The following PLEKHA7 variants were observed in gnomAD, a reference collection of about 807,000 sequenced individuals.
PLEKHA7 encodes the protein pleckstrin homology domain-containing family A member 7.
PLEKHA7 carries 104 observed loss-of-function variants against 170.0 expected under a neutral mutation model. The ratio of observed to expected loss-of-function variants is 0.61; its 90% CI spans 0.52 to 0.72. The LOEUF (loss-of-function observed/expected upper bound fraction) is 0.72, where lower values mean the gene tolerates loss of function less well. PLEKHA7 is among the 30% of genes least tolerant of loss of function. The pLI is 0.00. For missense variants in PLEKHA7, 1,615 were observed against 1,671.7 expected, an observed-to-expected ratio of 0.97 and a Z score of 0.59; for synonymous variants, 648 against 660.8, an observed-to-expected ratio of 0.98 and a Z score of 0.30.
At chr11:16,923,054 C>T (rs1859214397) in intron 3 of PLEKHA7, among the ~76,000 whole-genome samples, 1 of 152,204 alleles carries the variant, frequency 6.6e-6, no homozygotes, top group South Asian at 2.1e-4. Flanking sequence ...CTGATACCTG[C>T]CTCACTTTCC....
At chr11:16,790,976 C>T (rs1847805196) in intron 20 of PLEKHA7, 35 bp downstream of exon 20, 1 of 1,613,990 alleles carries the variant, frequency 6.2e-7, no homozygotes, top group Non-Finnish European at 8.5e-7. Flanking sequence ...CCTCTCCCCA[C>T]ATGTAGAGTG....
At chr11:17,002,894 A>G (rs1864754351) in intron 3 of PLEKHA7, among the ~76,000 whole-genome samples, 1 of 146,290 alleles carries the variant, frequency 6.8e-6, no homozygotes, top group Non-Finnish European at 1.5e-5. Flanking sequence ...CCCCAACACA[A>G]TTTTCCCCCA....
intron 3 of PLEKHA7, among the ~76,000 whole-genome samples, chr11:16,967,680 C>T (rs1327226685): frequency 2.0e-5 from 3 of 152,190 alleles, no homozygotes; most frequent in Non-Finnish European, 2.9e-5. Flanking sequence ...CCAATCAGCT[C>T]CCCTTCTGCA....
At position 16,919,599 on chromosome 11, in the gene PLEKHA7, T is replaced by A. The variant is rs555840219; in HGVS notation, c.222-48417A>T. Reference sequence around the variant, plus strand: ...CTGAGTCAGGAGCCCAGGAGTTGGATGCTGCAGTGAGCTATGATCACACCA... The same window carrying A: ...CTGAGTCAGGAGCCCAGGAGTTGGAAGCTGCAGTGAGCTATGATCACACCA... On this transcript the variant is annotated intron_variant, in intron 3 of 26. Coordinates refer to ENST00000531066, the MANE Select transcript of PLEKHA7 (RefSeq NM_001329630.2). Among the ~76,000 whole-genome samples, 5 of 151,690 alleles carry A rather than the reference T, an allele frequency of 3.3e-5. 1 individual carries two copies. The South Asian group carries it at 1.0e-3, about 32-fold the overall frequency.
intron 3 of PLEKHA7, among the ~76,000 whole-genome samples, chr11:16,935,717 T>C (rs986626625): frequency 2.0e-5 from 3 of 152,204 alleles, no homozygotes; most frequent in African/African-American, 7.2e-5. Flanking sequence ...CTCTACATAA[T>C]CCTGAATGTT....
At chr11:16,960,742 C>A (rs1355727511) in intron 3 of PLEKHA7, among the ~76,000 whole-genome samples, 1 of 152,142 alleles carries the variant, frequency 6.6e-6, no homozygotes, top group African/African-American at 2.4e-5. Flanking sequence ...TAACAAACAA[C>A]AACGACTGTG....
At chr11:16,912,342 C>T (rs1858309878) in intron 3 of PLEKHA7, among the ~76,000 whole-genome samples, 1 of 152,228 alleles carries the variant, frequency 6.6e-6, no homozygotes. Context: ...TGGCCTCCAA[C>T]TTCAACCCAC....
At chr11:16,890,352 G>A (rs973636353) in intron 3 of PLEKHA7, among the ~76,000 whole-genome samples, 2 of 152,088 alleles carry the variant, frequency 1.3e-5, no homozygotes, top group Non-Finnish European at 2.9e-5. Context: ...ATACAGGCTG[G>A]TGGAATGGAT....
At chr11:16,952,008 T>C (rs1861433947) in intron 3 of PLEKHA7, among the ~76,000 whole-genome samples, 1 of 152,236 alleles carries the variant, frequency 6.6e-6, no homozygotes, top group Non-Finnish European at 1.5e-5. Context: ...TGATCTGAAA[T>C]AGCCTTCCAC....
At chr11:16,948,212 T>C (rs1250501419) in intron 3 of PLEKHA7, among the ~76,000 whole-genome samples, 1 of 152,154 alleles carries the variant, frequency 6.6e-6, no homozygotes, top group Admixed American at 6.5e-5. Context: ...GAAGGTTACA[T>C]AATTTTAGTT....
At chr11:16,788,813 C>T in intron 23 of PLEKHA7, 1 of 524,972 alleles carries the variant, frequency 1.9e-6, no homozygotes, top group Non-Finnish European at 3.4e-6. Context: ...ATTCCGAACG[C>T]CTGCAAAGGC....
chr11:16,853,940 T>G (rs1853204899), intron 6 of PLEKHA7, among the ~76,000 whole-genome samples: 1 of 152,156 alleles, frequency 6.6e-6, no homozygotes, highest in African/African-American at 2.4e-5. Flanking sequence ...TCACCAAAAC[T>G]TACATTGCTG....
At chr11:16,814,698 C>A (rs1849618612) in intron 12 of PLEKHA7, among the ~76,000 whole-genome samples, 3 of 152,220 alleles carry the variant, frequency 2.0e-5, no homozygotes, top group Non-Finnish European at 4.4e-5. Context: ...GTGATCCTTA[C>A]TCCTCTCCTA....
At chr11:16,987,010 G>T (rs997299502) in intron 3 of PLEKHA7, among the ~76,000 whole-genome samples, 3 of 152,148 alleles carry the variant, frequency 2.0e-5, no homozygotes, top group Non-Finnish European at 4.4e-5. Flanking sequence ...CCCAGCCCAG[G>T]GAAGGCGGAG....
At chr11:16,862,466 T>C (rs1031609759) in intron 4 of PLEKHA7, among the ~76,000 whole-genome samples, 1 of 152,202 alleles carries the variant, frequency 6.6e-6, no homozygotes, top group Non-Finnish European at 1.5e-5. Flanking sequence ...AATGATATTT[T>C]TTACTGGAGA....
chr11:16,815,745 G>A (rs1386354224), intron 12 of PLEKHA7, among the ~76,000 whole-genome samples: 1 of 152,136 alleles, frequency 6.6e-6, no homozygotes, highest in Middle Eastern at 3.4e-3. Flanking sequence ...TGAACTCCTG[G>A]CCTCAAATGA....
chr11:16,883,896 T>C (rs1311046097), intron 3 of PLEKHA7, among the ~76,000 whole-genome samples: 1 of 152,222 alleles, frequency 6.6e-6, no homozygotes, highest in East Asian at 1.9e-4. Context: ...CTGCCTCCAA[T>C]TCAGTGTCAA....
intron 3 of PLEKHA7, among the ~76,000 whole-genome samples, chr11:16,960,294 C>CT (rs965892713): frequency 6.6e-6 from 1 of 152,194 alleles, no homozygotes; most frequent in Non-Finnish European, 1.5e-5. Flanking sequence ...AAACATGCTA[C>CT]TGTTCCCAAG....
chr11:16,821,812 C>T (rs1422159612), intron 10 of PLEKHA7, among the ~76,000 whole-genome samples: 1 of 152,162 alleles, frequency 6.6e-6, no homozygotes, highest in Non-Finnish European at 1.5e-5. Context: ...TAAAGATTGA[C>T]AGCATTTTCT....
Sources: allele counts gnomAD v4.1 joint callset (sites outside exome capture counted in the v4.1 genomes callset), GRCh38; gene constraint gnomAD v4.1.1; transcripts MANE v1.5; gene names NCBI Gene and HGNC (gene_info 2026-07-23, HGNC 2026-07-21).